Variants in CLDN10 observed in about 807,000 individuals in gnomAD.
CLDN10 encodes claudin-10.
CLDN10 carries 15 observed loss-of-function variants against 22.9 expected under a neutral mutation model. The ratio of observed to expected loss-of-function variants is 0.65; its 90% CI spans 0.44 to 1.01. The LOEUF is 1.01. Ranked by LOEUF, CLDN10 falls within the 50% of genes least tolerant of loss-of-function variation. The probability of loss-of-function intolerance (pLI) is 0.00; values close to 1 mark genes in which losing one functional copy is unlikely to be tolerated. For missense variants in CLDN10, 247 were observed against 287.8 expected (o/e 0.86, Z 1.03); for synonymous variants, 114 against 111.4 (o/e 1.02, Z -0.15).
intron 1 of CLDN10, among the ~76,000 whole-genome samples, chr13:95,540,493 T>C (rs2043449211): frequency 6.6e-6 from 1 of 151,968 alleles, no homozygotes; most frequent in African/African-American, 2.4e-5. Flanking sequence ...AGACAGACTC[T>C]GTCTCAAAAA....
At chr13:95,561,853 G>A (rs746599750) in intron 3 of CLDN10, among the ~76,000 whole-genome samples, 3 of 149,430 alleles carry the variant, frequency 2.0e-5, no homozygotes, top group African/African-American at 4.9e-5. Context: ...GCAGCCTTGC[G>A]CTTCTGCACT....
chr13:95,523,335 C>T (rs1239551397), intron 1 of CLDN10, among the ~76,000 whole-genome samples: 1 of 152,122 alleles, frequency 6.6e-6, no homozygotes, highest in African/African-American at 2.4e-5. Flanking sequence ...CTCAGCTTGA[C>T]CTATATGCAA....
chr13:95,557,256 G>T (rs1323106986), intron 1 of CLDN10, among the ~76,000 whole-genome samples: 1 of 152,158 alleles, frequency 6.6e-6, no homozygotes, highest in Non-Finnish European at 1.5e-5. Context: ...CAAAAATAAT[G>T]GCCTCCTTGA....
At chr13:95,488,589 C>G (rs2042832205) in intron 1 of CLDN10, among the ~76,000 whole-genome samples, 1 of 152,120 alleles carries the variant, frequency 6.6e-6, no homozygotes, top group Non-Finnish European at 1.5e-5. Flanking sequence ...TAGCTTAGCT[C>G]CCACATATCA....
intron 1 of CLDN10, among the ~76,000 whole-genome samples, chr13:95,553,614 T>C (rs2043596190): frequency 6.6e-6 from 1 of 152,182 alleles, no homozygotes; most frequent in South Asian, 2.1e-4. Flanking sequence ...TTTAGGAAAA[T>C]AATAGCCCTT....
intron 1 of CLDN10, among the ~76,000 whole-genome samples, chr13:95,490,117 A>G (rs1474843054): frequency 6.6e-6 from 1 of 152,050 alleles, no homozygotes; most frequent in Admixed American, 6.6e-5. Context: ...TTTGGTGACT[A>G]TGGCTTTATA....
chr13:95,496,399 A>G (rs12427460), intron 1 of CLDN10, among the ~76,000 whole-genome samples: 52,219 of 152,168 alleles, frequency 0.34, 10,069 homozygotes, highest in South Asian at 0.44. Context: ...AATAGGCATC[A>G]TTGGTCCTTT....
At chr13:95,447,036 C>T (rs1046248212) in intron 1 of CLDN10, among the ~76,000 whole-genome samples, 1 of 151,980 alleles carries the variant, frequency 6.6e-6, no homozygotes, top group Non-Finnish European at 1.5e-5. Context: ...ACGAGTCCTG[C>T]CTTTAACTAA....
At chr13:95,536,635 T>C (rs2043402598) in intron 1 of CLDN10, among the ~76,000 whole-genome samples, 1 of 152,216 alleles carries the variant, frequency 6.6e-6, no homozygotes, top group Non-Finnish European at 1.5e-5. Context: ...GATAGATTCC[T>C]AATTCAAGGC....
intron 1 of CLDN10, among the ~76,000 whole-genome samples, chr13:95,508,998 T>C (rs1566308119): frequency 3.9e-5 from 6 of 152,218 alleles, no homozygotes. Flanking sequence ...TTTATCCATG[T>C]GAGTCTAATA....
rs534691292 is a variant in CLDN10, at chr13:95,503,242, A to G, written c.215-56890A>G. Among the ~76,000 whole-genome samples, 8 of 152,372 alleles carry G rather than the reference A, an allele frequency of 5.3e-5. No individual in the cohort carries two copies. In the South Asian group the frequency reaches 1.7e-3, roughly 32 times the overall value. On this transcript the variant is annotated intron_variant, in intron 1 of 4. Coordinates refer to the CLDN10 transcript ENST00000376873. ...AGAGGTGATAATATTAATAAAAGCCACAAGAGTGAATGTGTTTACCAAAGG... is the reference window on the plus strand; with the variant it reads ...AGAGGTGATAATATTAATAAAAGCCGCAAGAGTGAATGTGTTTACCAAAGG...
intron 1 of CLDN10, among the ~76,000 whole-genome samples, chr13:95,558,092 T>C (rs544221197): frequency 6.6e-6 from 1 of 152,336 alleles, no homozygotes; most frequent in African/African-American, 2.4e-5. Flanking sequence ...ATTTAATGAC[T>C]GCAGTCAGAG....
intron 1 of CLDN10, among the ~76,000 whole-genome samples, chr13:95,480,250 G>A (rs754815299): frequency 8.5e-5 from 13 of 152,192 alleles, no homozygotes; most frequent in Non-Finnish European, 1.8e-4. Context: ...AATTGTAGGA[G>A]CTATAATTCA....
At chr13:95,573,355 G>C (rs566499256) in intron 3 of CLDN10, among the ~76,000 whole-genome samples, 1 of 152,332 alleles carries the variant, frequency 6.6e-6, no homozygotes, top group African/African-American at 2.4e-5. Context: ...GATTGGTCCA[G>C]TGTCATGTAG....
intron 1 of CLDN10, among the ~76,000 whole-genome samples, chr13:95,527,472 G>A (rs559136158): frequency 5.6e-4 from 85 of 152,268 alleles, no homozygotes; most frequent in Non-Finnish European, 1.1e-3. Flanking sequence ...GCTCACGCCT[G>A]TAATCCCAGC....
chr13:95,503,579 G>C (rs1175182270), intron 1 of CLDN10, among the ~76,000 whole-genome samples: 1 of 152,138 alleles, frequency 6.6e-6, no homozygotes, highest in Non-Finnish European at 1.5e-5. Context: ...ACTGAAACAT[G>C]GAAGAAACCC....
chr13:95,570,829 T>TAC (rs537635169), intron 3 of CLDN10, among the ~76,000 whole-genome samples: 3,748 of 129,344 alleles, frequency 0.029, 72 homozygotes, highest in African/African-American at 0.038. Context: ...TATATATATA[T>TAC]ACACACACAC....
At chr13:95,555,874 G>A (rs1467271199) in intron 1 of CLDN10, among the ~76,000 whole-genome samples, 2 of 152,090 alleles carry the variant, frequency 1.3e-5, no homozygotes, top group Non-Finnish European at 2.9e-5. Flanking sequence ...ATTGCCTTTG[G>A]AGAAAGTGGC....
intron 1 of CLDN10, among the ~76,000 whole-genome samples, chr13:95,546,302 G>A (rs1165555250): frequency 1.3e-5 from 2 of 151,970 alleles, no homozygotes; most frequent in Non-Finnish European, 2.9e-5. Flanking sequence ...AACTGAGCTG[G>A]CACATTGAAA....
Sources: gnomAD v4.1 joint callset for allele counts (sites outside exome capture counted in the v4.1 genomes callset) on GRCh38, gnomAD v4.1.1 for gene constraint, MANE v1.5 for transcripts, NCBI Gene and HGNC (gene_info 2026-07-23, HGNC 2026-07-21) for gene names.